The following HDGFL3 variants were observed in gnomAD, a reference collection of about 807,000 sequenced individuals.
HDGFL3 encodes the protein hepatoma-derived growth factor-related protein 3.
A neutral mutation model predicts 27.6 loss-of-function variants in HDGFL3; 6 were observed. The observed-to-expected ratio is 0.22, with a 90% CI of 0.12 to 0.43. The LOEUF is 0.43. HDGFL3 is among the 20% of genes least tolerant of loss of function. The pLI is 1.00. For synonymous variants in HDGFL3, 88 were observed against 88.9 expected (o/e 0.99, Z 0.05); for missense variants, 207 against 250.1 (o/e 0.83, Z 1.16).
At chr15:83,180,375 C>T (rs2151415730) in intron 1 of HDGFL3, among the ~76,000 whole-genome samples, 1 of 152,008 alleles carries the variant, frequency 6.6e-6, no homozygotes, top group South Asian at 2.1e-4. Flanking sequence ...ATTTTTTGGG[C>T]TAGCTGACAA....
chr15:83,147,223 C>T (rs924803963), intron 5 of HDGFL3, among the ~76,000 whole-genome samples: 3 of 152,038 alleles, frequency 2.0e-5, no homozygotes, highest in Non-Finnish European at 2.9e-5. Flanking sequence ...CCACAACACT[C>T]AGCCAATTTT....
At position 83,128,488 on chromosome 15, in the gene HDGFL3, T is replaced by C. The variant is rs1398054769; in HGVS notation, c.*10782A>G. The C allele has an allele frequency of 6.6e-6, 1 of 152,238 alleles. No homozygotes were observed. The highest frequency in any genetic ancestry group is 1.5e-5 in the Non-Finnish European group (1 of 68,042). The allele number at this position is 152,238 out of a possible 1,614,324, so 9.4% of individuals were successfully genotyped here. ...TGGTTGTTTTTCCTTTGCAGACCTC[T>C]AAATACCTGATTCCTCAGTCCTTGG... On this transcript the variant is annotated 3_prime_UTR_variant, in exon 6 of 6. Transcript: ENST00000299633.
At chr15:83,184,529 T>C (rs1480126306) in intron 1 of HDGFL3, 1 of 152,178 alleles carries the variant, frequency 6.6e-6, no homozygotes, top group Non-Finnish European at 1.5e-5. Flanking sequence ...CTGTTAATAA[T>C]ATAATTACTG....
Position 83,162,283 on chromosome 15 carries a change from A to G in HDGFL3, c.161+1716T>C, listed in dbSNP as rs181913458. Among the ~76,000 whole-genome samples the G allele has an allele frequency of 5.3e-5, 8 of 152,316 alleles. No homozygotes were observed. In the South Asian group the frequency reaches 8.3e-4, roughly 16 times the overall value. ...ATAATCTCAGGTTCAGGGACACCCA[A>G]TACTTAGTAACTAAGTTCAGTAGAA... On this transcript the variant is annotated intron_variant, in intron 2 of 5. Transcript: ENST00000299633.
chr15:83,158,191 G>T (rs890830110), intron 2 of HDGFL3, 150 bp from the exon 3 acceptor site: 1 of 634,198 alleles, frequency 1.6e-6, no homozygotes, highest in Non-Finnish European at 2.5e-6. Context: ...ATATTACGAG[G>T]TGTTTCAGAC....
At chr15:83,169,439 A>T (rs1359085051) in intron 1 of HDGFL3, among the ~76,000 whole-genome samples, 1 of 148,530 alleles carries the variant, frequency 6.7e-6, no homozygotes, top group African/African-American at 2.5e-5. Flanking sequence ...AAAAAAAAAA[A>T]AAAAAAAAGA....
chr15:83,146,464 C>A (rs2036894339), intron 5 of HDGFL3, among the ~76,000 whole-genome samples: 2 of 152,186 alleles, frequency 1.3e-5, no homozygotes. Flanking sequence ...ATACCTCACT[C>A]TTCTATCACC....
In HDGFL3 at chr15:83,136,616, T is replaced by C; in HGVS notation, c.*2654A>G. 1 of 1,612,190 alleles carries C rather than the reference T, an allele frequency of 6.2e-7. No homozygotes were observed. Among genetic ancestry groups the C allele is most frequent in the Non-Finnish European group, 8.5e-7 (1 of 1,179,440 alleles). On this transcript the variant is annotated 3_prime_UTR_variant, in exon 6 of 6. Transcript: ENST00000299633. ...TCTTCCTCAGCTCTTGGCCTATCGT[T>C]GTATCTACAAACCAGAGTTCTTCAT... is the stretch of plus-strand genomic sequence containing the variant.
intron 5 of HDGFL3, among the ~76,000 whole-genome samples, chr15:83,143,774 A>G (rs535714612): frequency 6.6e-6 from 1 of 152,320 alleles, no homozygotes; most frequent in South Asian, 2.1e-4. Flanking sequence ...TACTGTAGAA[A>G]GAACGGGTTC....
chr15:83,157,874 T>G (rs745673980), intron 3 of HDGFL3, 29 bp downstream of exon 3: 17 of 1,597,382 alleles, frequency 1.1e-5, no homozygotes, highest in African/African-American at 1.3e-5. Flanking sequence ...AAATGAGATA[T>G]AGCAAGTGAC....
At chr15:83,122,917 T>C, downstream of HDGFL3, 2 of 1,608,032 alleles carry the variant, frequency 1.2e-6, no homozygotes, top group East Asian at 2.2e-5. Context: ...GTTCTCAAAC[T>C]CATAGGGTTC....
At chr15:83,143,154 G>A (rs537525639) in intron 5 of HDGFL3, among the ~76,000 whole-genome samples, 96 of 152,050 alleles carry the variant, frequency 6.3e-4, no homozygotes, top group African/African-American at 2.2e-3. Context: ...CTGGGATTAC[G>A]GGCACATGCC....
intron 1 of HDGFL3, among the ~76,000 whole-genome samples, chr15:83,189,122 A>G (rs2037480374): frequency 6.6e-6 from 1 of 151,846 alleles, no homozygotes; most frequent in African/African-American, 2.4e-5. Context: ...CCCCATCCCT[A>G]TCTACTCCAC....
chr15:83,158,708 A>T (rs764890868), intron 2 of HDGFL3, among the ~76,000 whole-genome samples: 4 of 152,218 alleles, frequency 2.6e-5, no homozygotes, highest in Non-Finnish European at 5.9e-5. Context: ...TATCTCTGTT[A>T]TCAGATGGAA....
At chr15:83,203,789 GTTTC>G (rs140443261) in intron 1 of HDGFL3, among the ~76,000 whole-genome samples, 1,920 of 151,200 alleles carry the variant, frequency 0.013, 49 homozygotes, top group African/African-American at 0.045. Context: ...ATCCCTTTTA[GTTTC>G]TTTTTGTGTT....
intron 1 of HDGFL3, among the ~76,000 whole-genome samples, chr15:83,205,978 G>A (rs972978171): frequency 1.3e-5 from 2 of 152,198 alleles, no homozygotes; most frequent in African/African-American, 4.8e-5. Context: ...GGTTGTTAGT[G>A]TTGGAAAGGA....
intron 3 of HDGFL3, chr15:83,119,516 G>A (rs958187718): frequency 3.9e-6 from 6 of 1,519,368 alleles, no homozygotes; most frequent in Non-Finnish European, 4.6e-6. Context: ...TGCAATACAG[G>A]TCTGATGTTC....
chr15:83,174,568 T>A (rs1278857281), intron 1 of HDGFL3, among the ~76,000 whole-genome samples: 1 of 151,984 alleles, frequency 6.6e-6, no homozygotes, highest in African/African-American at 2.4e-5. Flanking sequence ...ATAAAATGTA[T>A]CAACTTAACC....
At position 83,137,961 on chromosome 15, in the gene HDGFL3, C is replaced by T. The variant is rs999315712; in HGVS notation, c.*1309G>A. ...ATCATGTAGTCATCTCCCCATCATC[C>T]CCTACAGTGTTTTCAAATAATCTAA... On this transcript the variant is annotated 3_prime_UTR_variant, in exon 6 of 6. Coordinates refer to ENST00000299633, the MANE Select transcript of HDGFL3 (RefSeq NM_016073.4). 3 of 151,642 alleles carry T rather than the reference C, an allele frequency of 2.0e-5. No individual in the cohort carries two copies. Among genetic ancestry groups the T allele is most frequent in the Non-Finnish European group, 4.4e-5 (3 of 67,880 alleles). The allele number at this position is 151,642 out of a possible 1,614,324, so 9.4% of individuals were successfully genotyped here.
Sources: gnomAD v4.1 joint callset for allele counts (sites outside exome capture counted in the v4.1 genomes callset) on GRCh38, gnomAD v4.1.1 for gene constraint, MANE v1.5 for transcripts, NCBI Gene and HGNC (gene_info 2026-07-23, HGNC 2026-07-21) for gene names.